Variants in C1orf21 observed in about 807,000 individuals in gnomAD.
C1orf21 encodes the protein uncharacterized protein C1orf21.
In C1orf21, 3 loss-of-function variants were observed where a neutral mutation model predicts 18.7. The ratio of observed to expected loss-of-function variants is 0.16; its 90% CI spans 0.07 to 0.42. The LOEUF is 0.42. Ranked by LOEUF, C1orf21 falls within the 10% of genes least tolerant of loss-of-function variation. C1orf21 has a pLI of 0.99. For missense variants in C1orf21, 104 were observed against 143.6 expected (o/e 0.72, Z 1.41); for synonymous variants, 41 against 46.4 (o/e 0.88, Z 0.47).
chr1:184,495,202 T>G (rs772439146), intron 2 of C1orf21, among the ~76,000 whole-genome samples: 1 of 152,208 alleles, frequency 6.6e-6, no homozygotes, highest in Admixed American at 6.5e-5. Flanking sequence ...CCCTTTCACC[T>G]GGCTCTTGCC....
In C1orf21 at chr1:184,400,680, T is replaced by G. The variant is rs373175551; in HGVS notation, c.-125+13312T>G. Among the ~76,000 whole-genome samples, 530 of 151,880 alleles carry G rather than the reference T, an allele frequency of 3.5e-3. 6 individuals are homozygous for G. Among genetic ancestry groups the G allele is most frequent in the African/African-American group, 0.01 (430 of 41,406 alleles). ...GCTCTTACATTTTAGTGGGGAATTTTTTGTTGTTGTTGTTGTTGTTGTTGT... is the reference window on the plus strand; with the variant it reads ...GCTCTTACATTTTAGTGGGGAATTTGTTGTTGTTGTTGTTGTTGTTGTTGT... On this transcript the variant is annotated intron_variant, in intron 1 of 5. Transcript: ENST00000235307.
At chr1:184,602,860 C>T (rs1254975218) in intron 5 of C1orf21, among the ~76,000 whole-genome samples, 1 of 152,198 alleles carries the variant, frequency 6.6e-6, no homozygotes, top group Non-Finnish European at 1.5e-5. Flanking sequence ...AAGACCCTAG[C>T]TGATGACCAG....
intron 3 of C1orf21, among the ~76,000 whole-genome samples, chr1:184,542,256 C>T (rs1658664475): frequency 1.3e-5 from 2 of 152,188 alleles, no homozygotes; most frequent in East Asian, 3.8e-4. Context: ...ACAGCATACA[C>T]TATGTGCCAG....
intron 1 of C1orf21, among the ~76,000 whole-genome samples, chr1:184,404,203 C>T (rs1656207595): frequency 6.6e-6 from 1 of 152,118 alleles, no homozygotes; most frequent in Admixed American, 6.6e-5. Context: ...GTTTATCTGT[C>T]CCCAAAGCCT....
At position 184,468,474 on chromosome 1, in the gene C1orf21, T is replaced by C. The variant is rs142013896; in HGVS notation, c.-124-8912T>C. On this transcript the variant is annotated intron_variant, in intron 1 of 5. Transcript: ENST00000235307. Reference sequence around the variant, plus strand: ...GTATGTAAATTTTAAGGGAAACAGTTTTTCAATTTGTAGGATTCAGATCTT... The same window carrying C: ...GTATGTAAATTTTAAGGGAAACAGTCTTTCAATTTGTAGGATTCAGATCTT... 1.7e-4 allele frequency among the ~76,000 whole-genome samples: 26 copies of C among 152,314 alleles called. 1 individual carries two copies. In the East Asian group the frequency reaches 4.8e-3, roughly 28 times the overall value.
At chr1:184,407,187 C>G (rs1358861066) in intron 1 of C1orf21, among the ~76,000 whole-genome samples, 7 of 152,084 alleles carry the variant, frequency 4.6e-5, no homozygotes, top group African/African-American at 1.7e-4. Context: ...GTTGCCTAGG[C>G]TGGTCTTGAA....
chr1:184,597,647 A>C (rs1659534462), intron 4 of C1orf21, among the ~76,000 whole-genome samples: 1 of 152,168 alleles, frequency 6.6e-6, no homozygotes, highest in Non-Finnish European at 1.5e-5. Flanking sequence ...AACCGTCATT[A>C]AGACCATGGC....
rs1430128389 is a variant in C1orf21, at chr1:184,622,737, G to A, written c.*3181G>A. ...TCTCCGTCCACAGTGCCCATCATCT[G>A]AGCCTGGGCTGGGATGACTCAACTT... On this transcript the variant is annotated 3_prime_UTR_variant, in exon 6 of 6. Transcript: ENST00000235307. The A allele has an allele frequency of 6.5e-6, 1 of 152,672 alleles. No individual in the cohort carries two copies. The highest frequency in any genetic ancestry group is 1.5e-5 in the Non-Finnish European group (1 of 68,158). The allele number at this position is 152,672 out of a possible 1,614,324, so 9.5% of individuals were successfully genotyped here.
intron 1 of C1orf21, among the ~76,000 whole-genome samples, chr1:184,394,883 T>C (rs1354477795): frequency 6.6e-6 from 1 of 152,206 alleles, no homozygotes; most frequent in Non-Finnish European, 1.5e-5. Context: ...TAGTAGTTGC[T>C]GAAAATTCAG....
intron 3 of C1orf21, among the ~76,000 whole-genome samples, chr1:184,510,667 G>A (rs1293475450): frequency 6.6e-6 from 1 of 152,190 alleles, no homozygotes; most frequent in African/African-American, 2.4e-5. Flanking sequence ...GTGTCAGTAG[G>A]GAAGCAGTGG....
At chr1:184,586,813 C>G (rs1659360620) in intron 3 of C1orf21, among the ~76,000 whole-genome samples, 1 of 152,062 alleles carries the variant, frequency 6.6e-6, no homozygotes, top group Non-Finnish European at 1.5e-5. Flanking sequence ...AATTTTTGCT[C>G]TTGTTGCAGT....
intron 1 of C1orf21, among the ~76,000 whole-genome samples, chr1:184,471,499 T>C (rs975590226): frequency 1.3e-5 from 2 of 152,070 alleles, no homozygotes; most frequent in African/African-American, 4.8e-5. Flanking sequence ...CTTGGACATA[T>C]GTTGAGGTAG....
intron 3 of C1orf21, among the ~76,000 whole-genome samples, chr1:184,559,190 A>T (rs1658917733): frequency 6.6e-6 from 1 of 151,928 alleles, no homozygotes; most frequent in African/African-American, 2.4e-5. Context: ...ATGGGGGAGG[A>T]TCCCTCATGG....
chr1:184,469,558 A>G (rs987532306), intron 1 of C1orf21, among the ~76,000 whole-genome samples: 1 of 152,238 alleles, frequency 6.6e-6, no homozygotes, highest in Admixed American at 6.5e-5. Context: ...ATCTGGCACC[A>G]TGAAAGTAAA....
At chr1:184,488,311 G>A (rs1291098535) in intron 2 of C1orf21, among the ~76,000 whole-genome samples, 3 of 152,128 alleles carry the variant, frequency 2.0e-5, no homozygotes, top group African/African-American at 7.2e-5. Flanking sequence ...TAGTTTAAAA[G>A]AAATCCCACC....
chr1:184,567,757 C>T, intron 3 of C1orf21: 1 of 294,168 alleles, frequency 3.4e-6, no homozygotes. Flanking sequence ...CCAGCCCATG[C>T]TGAACTGCAT....
At chr1:184,504,212 A>G (rs1271492863) in intron 2 of C1orf21, among the ~76,000 whole-genome samples, 1 of 152,190 alleles carries the variant, frequency 6.6e-6, no homozygotes, top group East Asian at 1.9e-4. Flanking sequence ...CCCGACGTGC[A>G]TTTTAATAAG....
chr1:184,463,956 A>C (rs1657347768), intron 1 of C1orf21, among the ~76,000 whole-genome samples: 1 of 152,170 alleles, frequency 6.6e-6, no homozygotes, highest in African/African-American at 2.4e-5. Context: ...GTAGAATTTG[A>C]ATAACAGATG....
At chr1:184,515,362 A>C (rs908113772) in intron 3 of C1orf21, among the ~76,000 whole-genome samples, 1 of 152,222 alleles carries the variant, frequency 6.6e-6, no homozygotes, top group African/African-American at 2.4e-5. Context: ...GGGAATCTGC[A>C]AGTAGAATTA....
Sources: gnomAD v4.1 joint callset for allele counts (sites outside exome capture counted in the v4.1 genomes callset) on GRCh38, gnomAD v4.1.1 for gene constraint, MANE v1.5 for transcripts, NCBI Gene and HGNC (gene_info 2026-07-23, HGNC 2026-07-21) for gene names.